The following CSMD1 variants were observed in gnomAD, a reference collection of about 807,000 sequenced individuals.
The protein encoded by CSMD1 is CUB and Sushi multiple domains 1.
In CSMD1, 213 loss-of-function variants were observed where a neutral mutation model predicts 417.5. The observed-to-expected ratio is 0.51, with a 90% CI of 0.46 to 0.57. The LOEUF is 0.57. Ranked by LOEUF, CSMD1 falls within the 20% of genes least tolerant of loss-of-function variation. The pLI, the probability that CSMD1 is intolerant of heterozygous loss-of-function variation, is 0.00. For missense variants in CSMD1, 6,923 were observed against 4,529.7 expected, an observed-to-expected ratio of 1.53 and a Z score of -15.17; for synonymous variants, 2,862 against 1,736.8, an observed-to-expected ratio of 1.65 and a Z score of -16.11.
chr8:3,885,495 C>T (rs2627359), intron 5 of CSMD1, among the ~76,000 whole-genome samples: 36,770 of 151,982 alleles, frequency 0.24, 5,643 homozygotes, highest in African/African-American at 0.44. Context: ...AATAAACTCT[C>T]GAAAAATGTC....
At chr8:4,417,805 T>C (rs1361714112) in intron 3 of CSMD1, among the ~76,000 whole-genome samples, 2 of 152,084 alleles carry the variant, frequency 1.3e-5, no homozygotes, top group African/African-American at 4.8e-5. Context: ...TATATACATG[T>C]ACAAATTGGT....
At chr8:2,945,213 C>G (rs1585033656) in intron 68 of CSMD1, among the ~76,000 whole-genome samples, 1 of 152,238 alleles carries the variant, frequency 6.6e-6, no homozygotes, top group South Asian at 2.1e-4. Flanking sequence ...AAAAATTGTC[C>G]TTCCAACAAT....
intron 1 of CSMD1, among the ~76,000 whole-genome samples, chr8:4,811,967 G>GT (rs1798932145): frequency 6.6e-6 from 1 of 152,070 alleles, no homozygotes; most frequent in South Asian, 2.1e-4. Flanking sequence ...ATACATGCTG[G>GT]TTTTTTAAAA....
chr8:3,970,953 G>A (rs1813042605), intron 5 of CSMD1, among the ~76,000 whole-genome samples: 1 of 152,094 alleles, frequency 6.6e-6, no homozygotes, highest in South Asian at 2.1e-4. Context: ...GTTTCACCAT[G>A]TTGGCCGGGC....
At chr8:4,586,537 A>G (rs1799708906) in intron 2 of CSMD1, among the ~76,000 whole-genome samples, 1 of 152,162 alleles carries the variant, frequency 6.6e-6, no homozygotes, top group African/African-American at 2.4e-5. Flanking sequence ...TCCAGGAAAA[A>G]TCAATGTTTT....
chr8:3,028,639 A>T (rs1378148827), intron 51 of CSMD1, among the ~76,000 whole-genome samples: 1 of 152,218 alleles, frequency 6.6e-6, no homozygotes, highest in Non-Finnish European at 1.5e-5. Context: ...AATTATTATC[A>T]AAGACAGTTA....
intron 1 of CSMD1, among the ~76,000 whole-genome samples, chr8:4,733,044 T>G (rs754784927): frequency 6.6e-6 from 1 of 151,542 alleles, no homozygotes. Flanking sequence ...AATCCCCAAA[T>G]GAAAAATAAC....
chr8:3,858,978 T>C (rs1804506237), intron 5 of CSMD1, among the ~76,000 whole-genome samples: 1 of 152,170 alleles, frequency 6.6e-6, no homozygotes, highest in Admixed American at 6.5e-5. Flanking sequence ...ACGACATCAA[T>C]CCCTTCTTCT....
chr8:3,296,295 C>T (rs1803958143), intron 25 of CSMD1, among the ~76,000 whole-genome samples: 1 of 151,500 alleles, frequency 6.6e-6, no homozygotes. Context: ...GCAGAAGCCC[C>T]ACGTAAGGGG....
At chr8:3,854,123 C>A (rs1804124288) in intron 5 of CSMD1, among the ~76,000 whole-genome samples, 1 of 141,366 alleles carries the variant, frequency 7.1e-6, no homozygotes, top group African/African-American at 2.6e-5. Flanking sequence ...ATATATTATA[C>A]TTATATATAT....
intron 5 of CSMD1, among the ~76,000 whole-genome samples, chr8:3,919,071 C>A (rs974786727): frequency 1.3e-5 from 2 of 151,172 alleles, no homozygotes; most frequent in African/African-American, 4.9e-5. Context: ...TTCTCCCATT[C>A]CATAGGGTGA....
At chr8:4,604,961 G>A (rs563351251) in intron 2 of CSMD1, among the ~76,000 whole-genome samples, 79 of 152,212 alleles carry the variant, frequency 5.2e-4, no homozygotes, top group Non-Finnish European at 8.5e-4. Context: ...TGTTCTTGTG[G>A]GTCTATGCCA....
chr8:3,393,413 T>C (rs187474138), intron 17 of CSMD1, among the ~76,000 whole-genome samples: 1 of 152,314 alleles, frequency 6.6e-6, no homozygotes, highest in East Asian at 1.9e-4. Context: ...CACACAATTA[T>C]CACTGTATAA....
intron 3 of CSMD1, among the ~76,000 whole-genome samples, chr8:4,317,455 C>G (rs1487504760): frequency 3.3e-5 from 5 of 152,116 alleles, no homozygotes; most frequent in South Asian, 2.1e-4. Context: ...TAACAGATGT[C>G]TATACGCTGC....
chr8:4,074,994 C>T (rs979804084), intron 3 of CSMD1, among the ~76,000 whole-genome samples: 1 of 152,058 alleles, frequency 6.6e-6, no homozygotes, highest in Non-Finnish European at 1.5e-5. Flanking sequence ...ATGAACTCTA[C>T]AAATGGGGAC....
chr8:3,823,731 T>G (rs1390596347), intron 5 of CSMD1, among the ~76,000 whole-genome samples: 1 of 152,158 alleles, frequency 6.6e-6, no homozygotes, highest in Non-Finnish European at 1.5e-5. Context: ...ATAACCTTTT[T>G]AACACAAAGT....
rs67611582 is a variant in CSMD1 at position 3,982,198 on chromosome 8, A to ATAAT, written c.818+15704_818+15705insATTA. 1.4e-3 allele frequency among the ~76,000 whole-genome samples: 114 copies of ATAAT among 81,006 alleles called. 1 individual carries two copies. Among genetic ancestry groups the ATAAT allele is most frequent in the African/African-American group, 4.1e-3 (106 of 25,662 alleles). 53.1% of individuals were successfully genotyped at this position (81,006 alleles called of 152,430 possible). Reference sequence around the variant, plus strand: ...AATAATAATAATAATAATATTAATAAAAAAAATAATAATAATAAACTAGTT... The same window carrying ATAAT: ...AATAATAATAATAATAATATTAATAATAATAAAAAATAATAATAATAAACTAGTT... On this transcript the variant is annotated intron_variant, in intron 5 of 69. Coordinates refer to ENST00000635120, the MANE Select transcript of CSMD1 (RefSeq NM_033225.6).
chr8:3,867,512 A>G (rs1225203304), intron 5 of CSMD1, among the ~76,000 whole-genome samples: 1 of 152,172 alleles, frequency 6.6e-6, no homozygotes, highest in East Asian at 1.9e-4. Context: ...TAAAACAGAT[A>G]TGTTTTAATG....
chr8:4,425,302 C>A (rs116328634), intron 2 of CSMD1, among the ~76,000 whole-genome samples: 2 of 148,042 alleles, frequency 1.4e-5, no homozygotes, highest in African/African-American at 5.0e-5. Context: ...TTAATATGGA[C>A]GTATGTAGGG....
Sources: gnomAD v4.1 joint callset for allele counts (sites outside exome capture counted in the v4.1 genomes callset) on GRCh38, gnomAD v4.1.1 for gene constraint, MANE v1.5 for transcripts, NCBI Gene and HGNC (gene_info 2026-07-23, HGNC 2026-07-21) for gene names.